The following RBM4 variants were observed in gnomAD, a reference collection of about 807,000 sequenced individuals.
The protein encoded by RBM4 is RNA binding motif protein 4.
A neutral mutation model predicts 29.5 loss-of-function variants in RBM4; 7 were observed. The observed-to-expected ratio is 0.24, with a 90% CI of 0.14 to 0.45. The LOEUF (loss-of-function observed/expected upper bound fraction) is 0.45. RBM4 is among the 20% of genes least tolerant of loss of function. The probability of loss-of-function intolerance (pLI) is 1.00; values close to 1 mark genes in which losing one functional copy is unlikely to be tolerated. For missense variants in RBM4, 387 were observed against 502.3 expected (o/e 0.77, Z 2.19); for synonymous variants, 220 against 205.4 (o/e 1.07, Z -0.61).
Position 66,643,533 on chromosome 11 carries a change from G to A in RBM4, c.496G>A (p.Gly166Arg), listed in dbSNP as rs1938559341. The A allele has an allele frequency of 1.2e-6, 2 of 1,614,176 alleles. No individual in the cohort carries two copies. Among genetic ancestry groups the A allele is most frequent in the Non-Finnish European group, 1.7e-6 (2 of 1,180,044 alleles). Residue 166 changes from glycine (G) to arginine (R), a missense_variant, in exon 3 of 4, where the codon GGG (glycine) becomes AGG (arginine). Gly to Arg is a moderately radical substitution (Grantham distance 125). Around this residue, in one of 2 missense-constraint regions of RBM4, gnomAD observed 281 missense variants for 288.7 expected, o/e 0.97. Transcript: ENST00000310092. The surrounding 1 kb of genome is among the most constrained non-coding windows in gnomAD (Gnocchi z 6.1). ...AGACCAGAGCGGCTGCTATCGGTGC[G>A]GGAAAGAGGGGCACTGGTCCAAAGA... ...MGDQSGCYRCGKEGHWSKECP... is the reference protein window; with the variant it reads ...MGDQSGCYRCRKEGHWSKECP...
intron 3 of RBM4, among the ~76,000 whole-genome samples, chr11:66,645,722 T>G (rs1390423285): frequency 6.6e-6 from 1 of 152,204 alleles, no homozygotes; most frequent in African/African-American, 2.4e-5. Context: ...GATGTGGAAT[T>G]ACCTTCTCTG....
Position 66,646,063 on chromosome 11 carries a change from T to C in RBM4, c.*45T>C. ...GTGGGCTGAAATTCCGAGCTGCGGT[T>C]GTGCATGAGAATACACCCTTCGTGG... On this transcript the variant is annotated 3_prime_UTR_variant, in exon 4 of 4. Transcript: ENST00000310092. 1.3e-6 allele frequency: 2 copies of C among 1,536,126 alleles called. No individual in the cohort carries two copies.
intron 2 of RBM4, among the ~76,000 whole-genome samples, chr11:66,656,190 G>T (rs1259820386): frequency 6.6e-6 from 1 of 151,978 alleles, no homozygotes; most frequent in African/African-American, 2.4e-5. Flanking sequence ...AGGCTGGAGT[G>T]CAGTGGCACA....
chr11:66,649,712 T>A (rs1391481577), downstream of RBM4: 1 of 701,772 alleles, frequency 1.4e-6, no homozygotes, highest in South Asian at 1.5e-5. Flanking sequence ...AATAAAGTAC[T>A]TTTTCTTGCT....
At chr11:66,664,171 G>GTT (rs767344100) in intron 2 of RBM4, among the ~76,000 whole-genome samples, 293 of 113,508 alleles carry the variant, frequency 2.6e-3, no homozygotes, top group East Asian at 4.0e-3. Flanking sequence ...ATGCCCAGCT[G>GTT]TTTTTTTTTT....
rs188982241 is a variant in RBM4 at position 66,667,905 on chromosome 11, C to A, written c.*1940C>A. Reference sequence around the variant, plus strand: ...TTTTCTTTGTAGAGACAGGGTCTTGCTATGTTGCCTAGGCTGGTCTTGAAC... The same window carrying A: ...TTTTCTTTGTAGAGACAGGGTCTTGATATGTTGCCTAGGCTGGTCTTGAAC... On this transcript the variant is annotated 3_prime_UTR_variant, in exon 3 of 3. Coordinates refer to the RBM4 transcript ENST00000396053. The A allele has an allele frequency of 3.4e-3, 516 of 152,400 alleles. 2 individuals carry two copies. Among genetic ancestry groups the A allele is most frequent in the Non-Finnish European group, 4.3e-3 (295 of 68,212 alleles). 9.4% of individuals were successfully genotyped at this position (152,400 alleles called of 1,614,324 possible).
Position 66,643,633 on chromosome 11 carries a change from C to A in RBM4, c.596C>A (p.Thr199Lys), listed in dbSNP as rs1037547861. Residue 199 changes from threonine to lysine, a missense_variant, in exon 3 of 4, where the codon ACG becomes AAG. Physicochemically the swap from Thr to Lys is moderately conservative, Grantham distance 78. Around this residue, in one of 2 missense-constraint regions of RBM4, gnomAD observed 281 missense variants for 288.7 expected, o/e 0.97. Transcript: ENST00000310092. The surrounding 1 kb of genome is among the most constrained non-coding windows in gnomAD (Gnocchi z 6.1). ...AATGAGCAATACGGAGCAGTGCGTA[C>A]GCCTTACACCATGAGCTATGGGGAT... is the stretch of plus-strand genomic sequence containing the variant. ...QYNEQYGAVRTPYTMSYGDSL... is the reference protein window; with the variant it reads ...QYNEQYGAVRKPYTMSYGDSL... 1 of 1,614,072 alleles carries A rather than the reference C, an allele frequency of 6.2e-7. No homozygotes were observed. The highest frequency in any genetic ancestry group is 8.5e-7 in the Non-Finnish European group (1 of 1,180,048).
downstream of RBM4, among the ~76,000 whole-genome samples, chr11:66,651,448 C>T (rs534610133): frequency 5.3e-4 from 81 of 151,908 alleles, 1 homozygote; most frequent in African/African-American, 1.9e-3. Context: ...CCCGGGTTCA[C>T]GCCATTCTCC....
chr11:66,663,850 C>G (rs542103118), intron 2 of RBM4, among the ~76,000 whole-genome samples: 41 of 152,058 alleles, frequency 2.7e-4, no homozygotes, highest in Non-Finnish European at 4.9e-4. Flanking sequence ...GGGCTTACTC[C>G]TAGCACTACT....
chr11:66,648,483 C>G (rs910249193), downstream of RBM4, among the ~76,000 whole-genome samples: 10 of 152,074 alleles, frequency 6.6e-5, no homozygotes, highest in African/African-American at 9.7e-5. Flanking sequence ...GATCAGGCCA[C>G]TGCACTACAG....
intron 2 of RBM4, chr11:66,665,675 G>A: frequency 2.0e-6 from 3 of 1,498,028 alleles, no homozygotes; most frequent in Non-Finnish European, 2.7e-6. Flanking sequence ...ATTCCGGGGG[G>A]AAAAAAAAGA....
rs1565090862 is a variant in RBM4, at chr11:66,666,117, G to A, written c.*152G>A. 4 of 792,048 alleles carry A rather than the reference G, an allele frequency of 5.1e-6. No individual in the cohort carries two copies. The South Asian group carries it at 6.0e-5, about 12-fold the overall frequency. The allele number at this position is 792,048 out of a possible 1,614,324, so 49.1% of individuals were successfully genotyped here. A position where few individuals can be genotyped will look rare whatever the true frequency, so the allele number is the denominator to read the frequency against. On this transcript the variant is annotated 3_prime_UTR_variant, in exon 3 of 3. Coordinates refer to the RBM4 transcript ENST00000396053. ...TTCCAACACACCTACATGTCACACT[G>A]TCACAGAGTGAGAGCCACAGTTCCA...
chr11:66,644,951 T>G (rs1938628703), intron 3 of RBM4, among the ~76,000 whole-genome samples: 1 of 152,008 alleles, frequency 6.6e-6, no homozygotes, highest in Non-Finnish European at 1.5e-5. Flanking sequence ...TAAGTAACTA[T>G]TCCCACAGTT....
At chr11:66,650,977 G>T (rs1014080362), downstream of RBM4, among the ~76,000 whole-genome samples, 5 of 152,186 alleles carry the variant, frequency 3.3e-5, no homozygotes, top group Non-Finnish European at 7.3e-5. Context: ...AGCAGAGATG[G>T]CATCACTGGA....
intron 2 of RBM4, among the ~76,000 whole-genome samples, chr11:66,641,843 C>T (rs916296839): frequency 6.6e-6 from 1 of 152,070 alleles, no homozygotes; most frequent in African/African-American, 2.4e-5. Context: ...TGGGTATCTT[C>T]TCTATTGCTT....
At chr11:66,667,905 C>G (rs188982241) in exon 3 of RBM4, 1 of 152,284 alleles carries the variant, frequency 6.6e-6, no homozygotes, top group South Asian at 2.1e-4. Flanking sequence ...CAGGGTCTTG[C>G]TATGTTGCCT....
At chr11:66,666,368 G>A in exon 3 of RBM4, 1 of 1,000,600 alleles carries the variant, frequency 1.0e-6, no homozygotes, top group Non-Finnish European at 1.2e-6. Flanking sequence ...GATCAGTTCT[G>A]CTAGGGTGAG....
intron 2 of RBM4, chr11:66,665,781 A>G: frequency 2.2e-6 from 3 of 1,344,954 alleles, no homozygotes; most frequent in Non-Finnish European, 3.0e-6. Flanking sequence ...ACTTATGGCT[A>G]TATATATAGG....
intron 2 of RBM4, among the ~76,000 whole-genome samples, chr11:66,660,313 C>T (rs972649681): frequency 6.8e-6 from 1 of 146,574 alleles, no homozygotes; most frequent in African/African-American, 2.5e-5. Flanking sequence ...ATTTGTGGTA[C>T]TTATCACAAT....
Sources: gnomAD v4.1 joint callset for allele counts (sites outside exome capture counted in the v4.1 genomes callset) on GRCh38, gnomAD v4.1.1 for gene constraint, gnomAD v4.1.1 regional missense constraint, Gnocchi (gnomAD v3.1) non-coding constraint, MANE v1.5 for transcripts, NCBI Gene and HGNC (gene_info 2026-07-23, HGNC 2026-07-21) for gene names.